SMG1: variants seen among roughly 807,000 people sequenced by gnomAD.
SMG1 encodes serine/threonine-protein kinase SMG1.
A neutral mutation model predicts 419.9 loss-of-function variants in SMG1; 22 were observed. The ratio of observed to expected loss-of-function variants is 0.05; its 90% CI spans 0.04 to 0.07. SMG1 has a LOEUF of 0.07. Among genes scored for constraint, SMG1 ranks in the 10% least tolerant of loss-of-function variants. The pLI, the probability that SMG1 is intolerant of heterozygous loss-of-function variation, is 1.00. For synonymous variants in SMG1, 1,538 were observed against 1,553.5 expected, an observed-to-expected ratio of 0.99 and a Z score of 0.23; for missense variants, 3,185 against 4,342.0, an observed-to-expected ratio of 0.73 and a Z score of 7.49.
chr16:18,895,539 AG>A (rs1320959575), intron 3 of SMG1, among the ~76,000 whole-genome samples: 23 of 151,686 alleles, frequency 1.5e-4, no homozygotes, highest in African/African-American at 4.8e-4. Context: ...TCTAGGGGGC[AG>A]GGGGAAGGAG....
At chr16:18,874,300 G>C (rs1440326018) in intron 13 of SMG1, among the ~76,000 whole-genome samples, 1 of 151,618 alleles carries the variant, frequency 6.6e-6, no homozygotes, top group East Asian at 2.0e-4. Flanking sequence ...CACCACCCCT[G>C]GCTAATTTTT....
At chr16:18,916,093 G>GA (rs71141095) in intron 1 of SMG1, among the ~76,000 whole-genome samples, 40,287 of 105,828 alleles carry the variant, frequency 0.38, 6,895 homozygotes, top group Non-Finnish European at 0.4. Context: ...AAAAAAACCA[G>GA]AAAAAAAAAA....
rs35576204 is a variant in SMG1 at position 18,905,615 on chromosome 16, AT to A, written c.93-8660del. ...AAGTATTCTCCTCCTTCTTCATTTC[AT>A]TTTTTTTTTTTTTTGAGACAGACTC... On this transcript the variant is annotated intron_variant, in intron 1 of 62. Transcript: ENST00000446231. Among the ~76,000 whole-genome samples, 161 of 135,194 alleles carry A rather than the reference AT, an allele frequency of 1.2e-3. 1 individual carries two copies. The highest frequency in any genetic ancestry group is 1.7e-3 in the South Asian group (7 of 4,128). 88.7% of individuals were successfully genotyped at this position (135,194 alleles called of 152,430 possible). A position where few individuals can be genotyped will look rare whatever the true frequency, so the allele number is the denominator to read the frequency against.
In SMG1 at chr16:18,869,226, T is replaced by C. The variant is rs529301933; in HGVS notation, c.2711A>G (p.Asn904Ser). The C allele has an allele frequency of 1.2e-4, 199 of 1,611,722 alleles. 1 individual carries two copies. The East Asian group carries it at 2.5e-3, about 20-fold the overall frequency. ...DKRDQSTIPR[N>S]LLKTDAVLWQ... ...AAGGACAGCATCTGTCTTCAGGAGA[T>C]TGCGTGGAATTGTTGACTGGTCACG... The change falls in exon 20 of 63, where the codon AAT becomes AGT. Residue 904 changes from asparagine to serine, a missense_variant. Coordinates refer to ENST00000446231, the MANE Select transcript of SMG1 (RefSeq NM_015092.5).
intron 13 of SMG1, among the ~76,000 whole-genome samples, chr16:18,873,001 A>C (rs2035907411): frequency 6.6e-6 from 1 of 151,974 alleles, no homozygotes; most frequent in Non-Finnish European, 1.5e-5. Flanking sequence ...TAAAATTACA[A>C]AAATTAGCTG....
At chr16:18,827,959 A>G (rs1050249332) in intron 55 of SMG1, 72 bp downstream of exon 55, 1 of 1,495,002 alleles carries the variant, frequency 6.7e-7, no homozygotes, top group South Asian at 1.2e-5. Flanking sequence ...TGAACAACAG[A>G]GCACTAACAA....
intron 36 of SMG1, among the ~76,000 whole-genome samples, chr16:18,848,666 A>G (rs190998779): frequency 4.0e-5 from 6 of 151,350 alleles, no homozygotes; most frequent in Admixed American, 3.9e-4. Flanking sequence ...GAGGTACTCC[A>G]TTTCTCCACG....
chr16:18,904,843 G>A (rs1250134864), intron 1 of SMG1, among the ~76,000 whole-genome samples: 2 of 152,248 alleles, frequency 1.3e-5, no homozygotes, highest in Admixed American at 6.5e-5. Flanking sequence ...GCTGGGGCAG[G>A]AGAATCGCTT....
intron 3 of SMG1, among the ~76,000 whole-genome samples, chr16:18,894,116 G>A (rs1397221516): frequency 6.6e-6 from 1 of 151,802 alleles, no homozygotes; most frequent in East Asian, 1.9e-4. Context: ...AACACACACT[G>A]GATCCTTTTG....
Position 18,882,195 on chromosome 16 carries a change from A to T in SMG1, c.1263T>A (p.Gly421=). Residue 421 remains glycine, a synonymous_variant, in exon 10 of 63, where the codon GGT becomes GGA. Transcript: ENST00000446231. ...SIGERFSPIR[G]PPITEAYVTD... is the part of the protein sequence containing the mutation. ...TTACATATGCCTCAGTAATTGGAGG[A>T]CCCCGAATTGGGCTGAAGCGTTCCC... The T allele has an allele frequency of 6.3e-7, 1 of 1,586,260 alleles. No individual in the cohort carries two copies. The highest frequency in any genetic ancestry group is 1.2e-5 in the South Asian group (1 of 86,402).
chr16:18,818,954 C>CT lies in SMG1; in HGVS notation c.9894+547dup, dbSNP rs1240011968. Among the ~76,000 whole-genome samples the CT allele has an allele frequency of 2.6e-5, 4 of 152,018 alleles. No homozygotes were observed. The East Asian group carries it at 7.8e-4, about 30-fold the overall frequency. On this transcript the variant is annotated intron_variant, in intron 56 of 62. Transcript: ENST00000446231. ...GCCTCAGACTCCTGAGCAGTTGGGACTACAGGTACCCACCACCACACCCAG... is the reference window on the plus strand; with the variant it reads ...GCCTCAGACTCCTGAGCAGTTGGGACTTACAGGTACCCACCACCACACCCAG...
Position 18,829,745 on chromosome 16 carries a change from T to G in SMG1, c.9144A>C (p.Ser3048=), listed in dbSNP as rs773568225. ...TFSKTLSGSS[S]LEDQNTVNGP... is the part of the protein sequence containing the mutation. ...CATTCACAGTATTCTGATCTTCAAG[T>G]GAACTTGATCCTACAAAAAGGAAAA... Residue 3048 remains serine (S), a synonymous_variant, in exon 54 of 63, where the codon TCA becomes TCC. Transcript: ENST00000446231. 5.0e-6 allele frequency: 8 copies of G among 1,595,878 alleles called. No individual in the cohort carries two copies. Among genetic ancestry groups the G allele is most frequent in the Non-Finnish European group, 8.6e-7 (1 of 1,168,878 alleles).
chr16:18,904,967 A>T (rs988808508), intron 1 of SMG1, among the ~76,000 whole-genome samples: 6 of 150,868 alleles, frequency 4.0e-5, no homozygotes, highest in Non-Finnish European at 8.9e-5. Flanking sequence ...AAATCTAAAA[A>T]TTAAGAAAAT....
chr16:18,819,420 T>C, intron 56 of SMG1, 82 bp downstream of exon 56: 1 of 1,478,068 alleles, frequency 6.8e-7, no homozygotes. Context: ...CAAGCTCCCC[T>C]AGTTACCCCA....
Position 18,849,223 on chromosome 16 carries a change from C to G in SMG1, c.5617G>C (p.Ala1873Pro), listed in dbSNP as rs751975963. The G allele has an allele frequency of 1.3e-6, 2 of 1,599,630 alleles. No individual in the cohort carries two copies. Among genetic ancestry groups the G allele is most frequent in the South Asian group, 1.1e-5 (1 of 89,576 alleles). The change falls in exon 36 of 63, where the codon GCT (alanine) becomes CCT (proline). Residue 1873 changes from alanine (A) to proline (P), a missense_variant. Ala to Pro is a conservative substitution (Grantham distance 27). Around this residue, in one of 27 missense-constraint regions of SMG1, gnomAD observed 130 missense variants for 162.0 expected, o/e 0.80. Transcript: ENST00000446231. ...GTISLSSESQ[A>P]SGNKFSTAIP... is the part of the protein sequence containing the mutation. ...ATATTTGAATATTCCATACCTGAAG[C>G]CTGGGATTCACTACTAAGCGATATG...
At chr16:18,922,665 G>T (rs1032299745) in intron 1 of SMG1, among the ~76,000 whole-genome samples, 1 of 152,048 alleles carries the variant, frequency 6.6e-6, no homozygotes, top group Admixed American at 6.5e-5. Context: ...TAGTAGAGAC[G>T]GGGTTTCACC....
chr16:18,840,173 T>G (rs1169060334), intron 41 of SMG1, among the ~76,000 whole-genome samples: 1 of 152,204 alleles, frequency 6.6e-6, no homozygotes, highest in African/African-American at 2.4e-5. Flanking sequence ...ATTGAAAAAT[T>G]GGTCTACTGT....
Position 18,902,705 on chromosome 16 carries a change from C to CA in SMG1, c.93-5750dup, listed in dbSNP as rs536940919. Among the ~76,000 whole-genome samples, 847 of 116,816 alleles carry CA rather than the reference C, an allele frequency of 7.3e-3. 5 individuals carry two copies. The highest frequency in any genetic ancestry group is 0.018 in the African/African-American group (559 of 31,426). The allele number at this position is 116,816 out of a possible 152,430, so 76.6% of individuals were successfully genotyped here. A position where few individuals can be genotyped will look rare whatever the true frequency, so the allele number is the denominator to read the frequency against. On this transcript the variant is annotated intron_variant, in intron 1 of 62. Transcript: ENST00000446231. The stretch of plus-strand genomic sequence containing the variant: ...TGGGTGACAGAGAGAGGCCCTGTCT[C>CA]AAAAAAAAAAAAAAGAGTGGTCTTG...
At chr16:18,812,895 C>T (rs1044323863) in intron 60 of SMG1, among the ~76,000 whole-genome samples, 27 of 152,196 alleles carry the variant, frequency 1.8e-4, no homozygotes, top group African/African-American at 5.1e-4. Flanking sequence ...GTTCAATTCC[C>T]ACCTATGAGT....
Sources: allele counts gnomAD v4.1 joint callset (sites outside exome capture counted in the v4.1 genomes callset), GRCh38; gene constraint gnomAD v4.1.1; regional missense constraint gnomAD v4.1.1; transcripts MANE v1.5; gene names NCBI Gene and HGNC (gene_info 2026-07-23, HGNC 2026-07-21).